ADGRE5: variants seen among roughly 807,000 people sequenced by gnomAD.
The protein encoded by ADGRE5 is CD97 molecule.
ADGRE5 carries 72 observed loss-of-function variants against 100.3 expected under a neutral mutation model. The ratio of observed to expected loss-of-function variants is 0.72; its 90% CI spans 0.59 to 0.87. The LOEUF (loss-of-function observed/expected upper bound fraction) is 0.87, where lower values mean the gene tolerates loss of function less well. ADGRE5 is among the 40% of genes least tolerant of loss of function. The pLI, the probability that ADGRE5 is intolerant of heterozygous loss-of-function variation, is 0.00. For synonymous variants in ADGRE5, 439 were observed against 447.8 expected, an observed-to-expected ratio of 0.98 and a Z score of 0.25; for missense variants, 959 against 1,094.7, an observed-to-expected ratio of 0.88 and a Z score of 1.75.
Position 14,406,730 on chromosome 19 carries a change from C to T in ADGRE5, c.2079C>T (p.Leu693=). ...YCWLDFEQGF[L]WSFLGPVTFI... ...GGTTGGACTTTGAGCAGGGCTTCCTCTGGAGCTTCTTGGGACCTGTGACCT... is the reference window on the plus strand; with the variant it reads ...GGTTGGACTTTGAGCAGGGCTTCCTTTGGAGCTTCTTGGGACCTGTGACCT... The change falls in exon 16 of 20, where the codon CTC becomes CTT. Residue 693 remains leucine (L), a synonymous_variant. Coordinates refer to ENST00000242786, the MANE Select transcript of ADGRE5 (RefSeq NM_078481.4). This position sits in a 1 kb window ranked among gnomAD's most constrained non-coding sequence, Gnocchi z 6.0. The T allele has an allele frequency of 6.2e-7, 1 of 1,614,156 alleles. No homozygotes were observed. Among genetic ancestry groups the T allele is most frequent in the Non-Finnish European group, 8.5e-7 (1 of 1,180,026 alleles).
rs199705977 is a variant in ADGRE5, at chr19:14,397,855, C to T, written c.773-34C>T. Reference sequence around the variant, plus strand: ...CACCCCCAGCACACACACTGACAAGCGGCCTAATGAGCCGCTTGTCTTGTT... The same window carrying T: ...CACCCCCAGCACACACACTGACAAGTGGCCTAATGAGCCGCTTGTCTTGTT... On this transcript the variant is annotated intron_variant, in intron 7 of 19. Transcript: ENST00000242786. The T allele has an allele frequency of 6.1e-6, 4 of 654,228 alleles. 1 individual carries two copies. Among genetic ancestry groups the T allele is most frequent in the Non-Finnish European group, 7.9e-6 (4 of 506,348 alleles). The allele number at this position is 654,228 out of a possible 1,614,324, so 40.5% of individuals were successfully genotyped here. A position where few individuals can be genotyped will look rare whatever the true frequency, so the allele number is the denominator to read the frequency against.
chr19:14,389,642 A>G (rs963752278), intron 3 of ADGRE5, among the ~76,000 whole-genome samples: 10 of 151,722 alleles, frequency 6.6e-5, no homozygotes, highest in African/African-American at 2.4e-4. Flanking sequence ...AGGCTGAGGC[A>G]GGAGAATCGC....
At chr19:14,386,018 G>A (rs1370347361) in intron 1 of ADGRE5, among the ~76,000 whole-genome samples, 4 of 149,968 alleles carry the variant, frequency 2.7e-5, no homozygotes, top group South Asian at 2.3e-4. Context: ...TGATCCACCC[G>A]CCTCGGCCTC....
In ADGRE5 at chr19:14,388,827, G is replaced by C. The variant is rs775824559; in HGVS notation, c.190+9G>C. The C allele has an allele frequency of 2.5e-6, 4 of 1,611,880 alleles. No individual in the cohort carries two copies. The highest frequency in any genetic ancestry group is 2.2e-5 in the East Asian group (1 of 44,836). On this transcript the variant is annotated intron_variant, in intron 3 of 19. Transcript: ENST00000242786. ...GACGGAGACTTGTGACGGTACAGAG[G>C]CTTGAGGGCAGCGCAGGGGACATCC...
chr19:14,386,493 A>G (rs1975357345), intron 1 of ADGRE5: 1 of 148,306 alleles, frequency 6.7e-6, no homozygotes, highest in Non-Finnish European at 1.5e-5. Flanking sequence ...GATCAAGACT[A>G]CCATCCTGGC....
rs1975840331 is a variant in ADGRE5 at position 14,397,841 on chromosome 19, C to T, written c.772+37C>T. On this transcript the variant is annotated intron_variant, in intron 7 of 19. Transcript: ENST00000242786. ...CCCTAGAAGCTCCCCACCCCCAGCA[C>T]ACACACTGACAAGCGGCCTAATGAG... 4.5e-6 allele frequency: 3 copies of T among 660,628 alleles called. 1 individual carries two copies. The highest frequency in any genetic ancestry group is 5.9e-6 in the Non-Finnish European group (3 of 509,452). The allele number at this position is 660,628 out of a possible 1,614,324, so 40.9% of individuals were successfully genotyped here. A position where few individuals can be genotyped will look rare whatever the true frequency, so the allele number is the denominator to read the frequency against.
chr19:14,403,753 C>T (rs1976104538), intron 12 of ADGRE5, among the ~76,000 whole-genome samples: 1 of 152,088 alleles, frequency 6.6e-6, no homozygotes, highest in African/African-American at 2.4e-5. Context: ...CTTGGCCTCC[C>T]AAAGTCCTGG....
intron 11 of ADGRE5, among the ~76,000 whole-genome samples, 149 bp from the exon 12 acceptor site, chr19:14,402,444 AAAAC>A (rs970232134): frequency 3.3e-5 from 5 of 151,966 alleles, no homozygotes; most frequent in African/African-American, 1.2e-4. Context: ...CAAAAAAAAA[AAAAC>A]AAGGAACAAC....
At chr19:14,389,417 AAGGAAGGAAGGG>A (rs1271055375) in intron 3 of ADGRE5, among the ~76,000 whole-genome samples, 2 of 77,780 alleles carry the variant, frequency 2.6e-5, no homozygotes, top group Non-Finnish European at 4.5e-5. Context: ...AGGAGGCAGG[AAGGAAGGAAGGG>A]AGGAAGGGAG....
chr19:14,402,414 G>A (rs1292632882), intron 11 of ADGRE5, among the ~76,000 whole-genome samples, 183 bp from the exon 12 acceptor site: 4 of 150,502 alleles, frequency 2.7e-5, no homozygotes, highest in African/African-American at 9.8e-5. Context: ...CAGCCTGGGC[G>A]AAAGAGCGAA....
intron 1 of ADGRE5, 146 bp from the exon 2 acceptor site, chr19:14,388,304 G>T (rs1599611860): frequency 7.0e-7 from 1 of 1,418,666 alleles, no homozygotes; most frequent in Non-Finnish European, 9.5e-7. Flanking sequence ...GCATCTGAGT[G>T]GGACATGACA....
intron 1 of ADGRE5, among the ~76,000 whole-genome samples, chr19:14,384,425 G>A (rs1269367804): frequency 1.3e-5 from 2 of 152,132 alleles, no homozygotes; most frequent in African/African-American, 4.8e-5. Flanking sequence ...CAAATGAGTG[G>A]TGAGTCATTC....
At chr19:14,384,582 G>A (rs928971475) in intron 1 of ADGRE5, among the ~76,000 whole-genome samples, 8 of 47,070 alleles carry the variant, frequency 1.7e-4, no homozygotes, top group Middle Eastern at 8.6e-3. Context: ...CTCCCAGCCC[G>A]CCCCAGGCCC....
chr19:14,407,107 A>T lies in ADGRE5; in HGVS notation c.2254A>T (p.Thr752Ser). 6.2e-7 allele frequency: 1 copy of T among 1,614,156 alleles called. No homozygotes were observed. The highest frequency in any genetic ancestry group is 8.5e-7 in the Non-Finnish European group (1 of 1,180,044). The change falls in exon 18 of 20, where the codon ACC (threonine) becomes TCC (serine). Residue 752 changes from threonine to serine, a missense_variant. Physicochemically the swap from Thr to Ser is moderately conservative, Grantham distance 58. Around this residue, in one of 6 missense-constraint regions of ADGRE5, gnomAD observed 428 missense variants for 386.2 expected, o/e 1.11. Coordinates refer to ENST00000242786, the MANE Select transcript of ADGRE5 (RefSeq NM_078481.4). ...AIAQLFLLGC[T>S]WVFGLFIFDD... Reference sequence around the variant, plus strand: ...CGCGCAGCTCTTCCTGTTGGGCTGCACCTGGGTCTTTGGCCTGTTCATCTT... The same window carrying T: ...CGCGCAGCTCTTCCTGTTGGGCTGCTCCTGGGTCTTTGGCCTGTTCATCTT...
At position 14,407,182 on chromosome 19, in the gene ADGRE5, C is replaced by T; in HGVS notation, c.2329C>T (p.Leu777=). 6.2e-7 allele frequency: 1 copy of T among 1,614,130 alleles called. No individual in the cohort carries two copies. ...CTATGTGTTTACCATCCTCAACTGC[C>T]TGCAGGGCGCCTTCCTCTACCTGCT... ...LTYVFTILNC[L]QGAFLYLLHC... is the part of the protein sequence containing the mutation. Residue 777 remains leucine (L), a synonymous_variant, in exon 18 of 20, where the codon CTG becomes TTG. Transcript: ENST00000242786.
At position 14,381,467 on chromosome 19, in the gene ADGRE5, G is replaced by C. The variant is rs371030779; in HGVS notation, c.-57G>C. On this transcript the variant is annotated 5_prime_UTR_variant, in exon 1 of 20. Coordinates refer to ENST00000242786, the MANE Select transcript of ADGRE5 (RefSeq NM_078481.4). ...GCACAGCTGCCTAGCCTGTGGAGAC[G>C]GGACAGCCCTGTCCCACTCACTCTT... is the stretch of plus-strand genomic sequence containing the variant. 3.7e-6 allele frequency: 6 copies of C among 1,603,226 alleles called. No individual in the cohort carries two copies. The highest frequency in any genetic ancestry group is 2.7e-5 in the African/African-American group (2 of 73,322).
At position 14,381,464 on chromosome 19, in the gene ADGRE5, G is replaced by A; in HGVS notation, c.-60G>A. The A allele has an allele frequency of 6.2e-7, 1 of 1,603,566 alleles. No individual in the cohort carries two copies. Among genetic ancestry groups the A allele is most frequent in the South Asian group, 1.1e-5 (1 of 90,670 alleles). ...CCTGCACAGCTGCCTAGCCTGTGGAGACGGGACAGCCCTGTCCCACTCACT... is the reference window on the plus strand; with the variant it reads ...CCTGCACAGCTGCCTAGCCTGTGGAAACGGGACAGCCCTGTCCCACTCACT... On this transcript the variant is annotated 5_prime_UTR_variant, in exon 1 of 20. Transcript: ENST00000242786.
Position 14,401,560 on chromosome 19 carries a change from A to G in ADGRE5, c.1072A>G (p.Thr358Ala). 5 of 1,613,760 alleles carry G rather than the reference A, an allele frequency of 3.1e-6. No individual in the cohort carries two copies. The highest frequency in any genetic ancestry group is 4.2e-6 in the Non-Finnish European group (5 of 1,179,776). ...GPFTYISPSN[T>A]ELTLMIQERG... Reference sequence around the variant, plus strand: ...CTTCACCTACATTTCCCCTTCGAACACAGGTGAGGCCTTGGCCTGGCCTGC... The same window carrying G: ...CTTCACCTACATTTCCCCTTCGAACGCAGGTGAGGCCTTGGCCTGGCCTGC... The change falls in exon 10 of 20, where the codon ACA becomes GCA. Residue 358 changes from threonine to alanine, a missense_variant. By Grantham distance (58) the Thr-to-Ala change is moderately conservative (BLOSUM62 0). This residue lies in a region of ADGRE5 where 246 missense variants were observed against 242.2 expected (regional missense o/e 1.02). Coordinates refer to ENST00000242786, the MANE Select transcript of ADGRE5 (RefSeq NM_078481.4). The surrounding 1 kb of genome is among the most constrained non-coding windows in gnomAD (Gnocchi z 4.1).
intron 9 of ADGRE5, among the ~76,000 whole-genome samples, chr19:14,399,495 C>T (rs565535256): frequency 0.016 from 2,129 of 131,290 alleles, 48 homozygotes; most frequent in African/African-American, 0.055. Flanking sequence ...ACCCGGGAAG[C>T]GGAGCTTGCA....
Sources: gnomAD v4.1 joint callset for allele counts (sites outside exome capture counted in the v4.1 genomes callset) on GRCh38, gnomAD v4.1.1 for gene constraint, gnomAD v4.1.1 regional missense constraint, Gnocchi (gnomAD v3.1) non-coding constraint, MANE v1.5 for transcripts, NCBI Gene and HGNC (gene_info 2026-07-23, HGNC 2026-07-21) for gene names.